The following MAST4 variants were observed in gnomAD, a reference collection of about 807,000 sequenced individuals.
The protein encoded by MAST4 is microtubule associated serine/threonine kinase family member 4.
MAST4 carries 89 observed loss-of-function variants against 162.7 expected under a neutral mutation model. The observed-to-expected ratio is 0.55, with a 90% confidence interval of 0.46 to 0.65. The LOEUF is 0.65. Ranked by LOEUF, MAST4 falls within the 30% of genes least tolerant of loss-of-function variation. The pLI is 0.00. For synonymous variants in MAST4, 1,479 were observed against 1,361.1 expected, an observed-to-expected ratio of 1.09 and a Z score of -1.91; for missense variants, 3,153 against 3,374.0, an observed-to-expected ratio of 0.93 and a Z score of 1.62.
At chr5:66,697,366 T>C (rs1277512269) in intron 1 of MAST4, among the ~76,000 whole-genome samples, 1 of 152,226 alleles carries the variant, frequency 6.6e-6, no homozygotes, top group Admixed American at 6.5e-5. Flanking sequence ...AAATGCAAGA[T>C]AGACTAATAC....
chr5:66,732,266 C>T (rs954542816), intron 1 of MAST4, among the ~76,000 whole-genome samples: 3 of 152,124 alleles, frequency 2.0e-5, no homozygotes, highest in Non-Finnish European at 4.4e-5. Flanking sequence ...CTGGCAGACT[C>T]TCCTTCCTAC....
chr5:66,846,135 G>A (rs1180473380), intron 3 of MAST4, among the ~76,000 whole-genome samples: 1 of 152,154 alleles, frequency 6.6e-6, no homozygotes, highest in African/African-American at 2.4e-5. Flanking sequence ...TTCAAACTTA[G>A]ATACCTGGAT....
chr5:66,846,613 A>G (rs1209865192), intron 3 of MAST4, among the ~76,000 whole-genome samples: 12 of 152,192 alleles, frequency 7.9e-5, no homozygotes, highest in Non-Finnish European at 1.6e-4. Flanking sequence ...ATGTAATTCT[A>G]TCAGAAGAGG....
At chr5:66,726,031 T>TTG (rs376355771) in intron 1 of MAST4, among the ~76,000 whole-genome samples, 1,813 of 150,984 alleles carry the variant, frequency 0.012, 11 homozygotes, top group South Asian at 0.018. Flanking sequence ...TATGAACATT[T>TTG]TGTGTGTGTG....
Position 67,166,364 on chromosome 5 carries a change from T to C in MAST4, c.7185T>C (p.His2395=). Residue 2395 remains histidine (H), a synonymous_variant, in exon 29 of 29, where the codon CAT becomes CAC. Transcript: ENST00000403625. ...DKLEAGLSFV[H]SENRLKGAER... is the part of the protein sequence containing the mutation. ...TCGAGGCCGGCCTTTCCTTTGTGCA[T>C]AGCGAGAACCGGTTGAAAGGCGCGG... The C allele has an allele frequency of 6.2e-7, 1 of 1,611,046 alleles. No homozygotes were observed. The highest frequency in any genetic ancestry group is 1.1e-5 in the South Asian group (1 of 90,432).
chr5:67,055,139 G>A (rs994831739), intron 5 of MAST4, among the ~76,000 whole-genome samples: 2 of 152,100 alleles, frequency 1.3e-5, no homozygotes, highest in African/African-American at 2.4e-5. Flanking sequence ...GCAAGAATTT[G>A]TTGGCTGGTA....
At chr5:66,944,502 C>T (rs1249952263) in intron 4 of MAST4, among the ~76,000 whole-genome samples, 1 of 152,080 alleles carries the variant, frequency 6.6e-6, no homozygotes, top group Non-Finnish European at 1.5e-5. Flanking sequence ...TTGCAAGAGA[C>T]AACATTTATA....
chr5:66,693,704 C>T (rs1320999981), intron 1 of MAST4, among the ~76,000 whole-genome samples: 4 of 72,030 alleles, frequency 5.6e-5, no homozygotes, highest in Non-Finnish European at 1.0e-4. Context: ...GATTATTAAA[C>T]AAAGAGCTAG....
At chr5:67,113,131 G>A (rs1766446374) in intron 11 of MAST4, among the ~76,000 whole-genome samples, 1 of 152,056 alleles carries the variant, frequency 6.6e-6, no homozygotes, top group African/African-American at 2.4e-5. Context: ...GGCTAACTCG[G>A]TGAAACCCTG....
rs1338465051 is a variant in MAST4, at chr5:66,810,431, G to T, written c.642+21637G>T. Among the ~76,000 whole-genome samples, 3 of 152,176 alleles carry T rather than the reference G, an allele frequency of 2.0e-5. No homozygotes were observed. The East Asian group carries it at 5.8e-4, about 29-fold the overall frequency. On this transcript the variant is annotated intron_variant, in intron 3 of 28. Transcript: ENST00000403625. ...GTGTTGACACCCTGATTGGGATATG[G>T]GAGAAGGAGTGCATGGGAAGTGTTC...
chr5:66,952,849 A>G (rs1174593108), intron 4 of MAST4, among the ~76,000 whole-genome samples: 3 of 152,150 alleles, frequency 2.0e-5, no homozygotes, highest in Non-Finnish European at 4.4e-5. Flanking sequence ...CCCGATCTAA[A>G]GATACTGTCT....
At chr5:67,130,103 G>A in intron 14 of MAST4, 107 bp from the exon 15 acceptor site, 1 of 987,378 alleles carries the variant, frequency 1.0e-6, no homozygotes, top group Middle Eastern at 2.3e-4. Context: ...CATTCCACCT[G>A]CTGTGAGAAC....
chr5:66,858,849 T>C lies in MAST4; in HGVS notation c.643-41102T>C, dbSNP rs1234569812. ...TGTGCCTATTAAGCTGTTTTACACTTTTCACTATATAGATGTTGTTCATCC... is the reference window on the plus strand; with the variant it reads ...TGTGCCTATTAAGCTGTTTTACACTCTTCACTATATAGATGTTGTTCATCC... On this transcript the variant is annotated intron_variant, in intron 3 of 28. Coordinates refer to ENST00000403625, the MANE Select transcript of MAST4 (RefSeq NM_001164664.2). Among the ~76,000 whole-genome samples, 8 of 152,166 alleles carry C rather than the reference T, an allele frequency of 5.3e-5. 1 individual carries two copies. Among genetic ancestry groups the C allele is most frequent in the Admixed American group, 5.2e-4 (8 of 15,282 alleles).
intron 2 of MAST4, 63 bp from the exon 3 acceptor site, chr5:66,788,607 C>CCCAACAAAAAAAAAACAA: frequency 7.3e-7 from 1 of 1,373,728 alleles, no homozygotes; most frequent in South Asian, 1.2e-5. Context: ...CCCCCACCCC[C>CCCAACAAAAAAAAAACAA]ATTGCAATAA....
At chr5:67,089,506 T>C (rs1763605294) in intron 5 of MAST4, among the ~76,000 whole-genome samples, 1 of 152,168 alleles carries the variant, frequency 6.6e-6, no homozygotes, top group South Asian at 2.1e-4. Context: ...TCCAGCTGCT[T>C]AGGAGCAGAG....
chr5:67,061,257 G>T (rs1312389811), intron 5 of MAST4, among the ~76,000 whole-genome samples: 2 of 152,164 alleles, frequency 1.3e-5, no homozygotes, highest in African/African-American at 4.8e-5. Flanking sequence ...GTGTTGAAGA[G>T]TCCATCAGTA....
Position 67,056,780 on chromosome 5 carries a change from T to TC in MAST4, c.763+2289dup, listed in dbSNP as rs568417126. 9.8e-4 allele frequency among the ~76,000 whole-genome samples: 150 copies of TC among 152,318 alleles called. 1 individual carries two copies. In the Middle Eastern group the frequency reaches 0.017, roughly 17 times the overall value. On this transcript the variant is annotated intron_variant, in intron 5 of 28. Transcript: ENST00000403625. ...GGCACGATCTCAGCTAACTGTAACT[T>TC]CTGCCTCCTGGGTTCAAGAGATTCT...
chr5:66,846,927 C>G (rs1218959117), intron 3 of MAST4, among the ~76,000 whole-genome samples: 2 of 152,128 alleles, frequency 1.3e-5, no homozygotes, highest in Non-Finnish European at 2.9e-5. Context: ...GATCTTCCTG[C>G]ATTAGAACGT....
intron 3 of MAST4, among the ~76,000 whole-genome samples, chr5:66,846,544 G>C (rs772333664): frequency 6.6e-6 from 1 of 152,160 alleles, no homozygotes; most frequent in Non-Finnish European, 1.5e-5. Context: ...TGTTGCTATA[G>C]ATTAATGACT....
Sources: gnomAD v4.1 joint callset for allele counts (sites outside exome capture counted in the v4.1 genomes callset) on GRCh38, gnomAD v4.1.1 for gene constraint, MANE v1.5 for transcripts, NCBI Gene and HGNC (gene_info 2026-07-23, HGNC 2026-07-21) for gene names.